The following BABAM2 variants were observed in gnomAD, a reference collection of about 807,000 sequenced individuals.
The protein encoded by BABAM2 is BRISC and BRCA1 A complex member 2, also known as BRISC and BRCA1-A complex member 2.
A neutral mutation model predicts 54.7 loss-of-function variants in BABAM2; 31 were observed. That is an observed-to-expected ratio of 0.57 (90% confidence interval 0.43 to 0.77). BABAM2 has a LOEUF of 0.77. Among genes scored for constraint, BABAM2 ranks in the 30% least tolerant of loss-of-function variants. The pLI, the probability that BABAM2 is intolerant of heterozygous loss-of-function variation, is 0.00. For synonymous variants in BABAM2, 167 were observed against 162.9 expected (o/e 1.03, Z -0.19); for missense variants, 364 against 455.8 (o/e 0.80, Z 1.83).
intron 10 of BABAM2, among the ~76,000 whole-genome samples, chr2:28,257,023 A>G (rs778329498): frequency 6.6e-5 from 10 of 152,106 alleles, no homozygotes; most frequent in Non-Finnish European, 1.2e-4. Context: ...ACAGCAATAC[A>G]TGTCCAGTAT....
intron 10 of BABAM2, among the ~76,000 whole-genome samples, chr2:28,264,524 A>G (rs1684810857): frequency 1.3e-5 from 2 of 152,246 alleles, no homozygotes; most frequent in Non-Finnish European, 2.9e-5. Flanking sequence ...TGTGGTCGCA[A>G]CAAAAGCATC....
chr2:28,094,224 CT>C (rs1388296498), intron 6 of BABAM2, among the ~76,000 whole-genome samples: 3 of 152,162 alleles, frequency 2.0e-5, no homozygotes, highest in Non-Finnish European at 4.4e-5. Context: ...TTATTAACAT[CT>C]GTAATGAGGA....
intron 11 of BABAM2, among the ~76,000 whole-genome samples, chr2:28,315,432 T>A (rs1307547826): frequency 4.1e-5 from 1 of 24,260 alleles, no homozygotes; most frequent in Non-Finnish European, 9.1e-5. Flanking sequence ...TTTTCTTTTC[T>A]TTTCTTTTCT....
chr2:27,890,161 C>T (rs1242215396), upstream of BABAM2: 17 of 1,152,322 alleles, frequency 1.5e-5, no homozygotes, highest in South Asian at 5.2e-5. The surrounding 1 kb of genome is among the most constrained non-coding windows in gnomAD (Gnocchi z 4.8). Context: ...ACTGTCTATC[C>T]CTGGAGACCC....
chr2:28,073,646 C>A (rs1573524655), intron 6 of BABAM2, among the ~76,000 whole-genome samples: 1 of 151,918 alleles, frequency 6.6e-6, no homozygotes, highest in Admixed American at 6.6e-5. Context: ...ATATAATATC[C>A]ATCAGTTGAG....
chr2:28,159,617 C>T (rs1672865589), intron 7 of BABAM2, among the ~76,000 whole-genome samples: 1 of 152,152 alleles, frequency 6.6e-6, no homozygotes, highest in Non-Finnish European at 1.5e-5. Flanking sequence ...CAGTGGCTCA[C>T]ACCTGCAATG....
chr2:28,193,958 T>C (rs1677218376), intron 7 of BABAM2, among the ~76,000 whole-genome samples: 1 of 152,098 alleles, frequency 6.6e-6, no homozygotes, highest in South Asian at 2.1e-4. Flanking sequence ...TGACAGGTGC[T>C]ATGAGAGGAA....
At chr2:28,074,045 A>G (rs909062761) in intron 6 of BABAM2, among the ~76,000 whole-genome samples, 3 of 152,010 alleles carry the variant, frequency 2.0e-5, no homozygotes, top group East Asian at 1.9e-4. Context: ...ATACACACAC[A>G]TATATATACA....
At chr2:28,278,465 A>C (rs1478200301) in intron 10 of BABAM2, among the ~76,000 whole-genome samples, 1 of 152,202 alleles carries the variant, frequency 6.6e-6, no homozygotes, top group Admixed American at 6.5e-5. Flanking sequence ...GAGAGGGAGG[A>C]ATTGCAGATT....
At chr2:28,232,044 A>G (rs1681459712) in intron 7 of BABAM2, among the ~76,000 whole-genome samples, 1 of 151,906 alleles carries the variant, frequency 6.6e-6, no homozygotes, top group African/African-American at 2.4e-5. Flanking sequence ...GGCCCGGAGC[A>G]GTCATCCTGC....
intron 10 of BABAM2, among the ~76,000 whole-genome samples, chr2:28,285,931 C>A (rs1035454359): frequency 6.6e-6 from 1 of 151,708 alleles, no homozygotes; most frequent in Non-Finnish European, 1.5e-5. Flanking sequence ...TAAATAGTCA[C>A]CCCCTTCTAC....
intron 6 of BABAM2, among the ~76,000 whole-genome samples, chr2:28,123,547 A>G (rs763989926): frequency 6.6e-5 from 10 of 152,342 alleles, no homozygotes; most frequent in Non-Finnish European, 1.3e-4. Context: ...GGTTACAGTA[A>G]TCATCTGTAA....
chr2:27,980,229 T>G (rs1671901743), intron 3 of BABAM2, among the ~76,000 whole-genome samples: 2 of 152,204 alleles, frequency 1.3e-5, no homozygotes, highest in Non-Finnish European at 2.9e-5. Context: ...TTTGTTCTCC[T>G]GCATACTCTT....
intron 10 of BABAM2, among the ~76,000 whole-genome samples, chr2:28,259,523 G>A (rs183227969): frequency 4.0e-4 from 61 of 152,212 alleles, no homozygotes; most frequent in Non-Finnish European, 1.5e-4. Flanking sequence ...TGTCAGTTCC[G>A]TGTTCTGCAA....
At chr2:28,092,445 A>C (rs936663481) in intron 6 of BABAM2, among the ~76,000 whole-genome samples, 2 of 152,242 alleles carry the variant, frequency 1.3e-5, no homozygotes, top group African/African-American at 4.8e-5. Flanking sequence ...AAGTATCTAT[A>C]TATCAACAGA....
chr2:27,991,787 A>C (rs771612381), intron 4 of BABAM2, among the ~76,000 whole-genome samples: 17 of 152,168 alleles, frequency 1.1e-4, no homozygotes, highest in Admixed American at 2.6e-4. Context: ...TCCATTCATC[A>C]GTTGATAGAC....
At chr2:28,105,138 T>A (rs1320413584) in intron 6 of BABAM2, among the ~76,000 whole-genome samples, 1 of 152,014 alleles carries the variant, frequency 6.6e-6, no homozygotes, top group African/African-American at 2.4e-5. Context: ...TGTATACATA[T>A]GTAACAAACC....
At chr2:28,302,846 G>T (rs1453766209) in intron 11 of BABAM2, among the ~76,000 whole-genome samples, 2 of 152,052 alleles carry the variant, frequency 1.3e-5, no homozygotes, top group Non-Finnish European at 2.9e-5. Context: ...GAGCATCTTG[G>T]CATGTGCTTA....
chr2:27,951,619 A>G (rs141193427), intron 3 of BABAM2, among the ~76,000 whole-genome samples: 22 of 152,318 alleles, frequency 1.4e-4, no homozygotes, highest in African/African-American at 4.8e-4. Context: ...CATAATAGCA[A>G]TTAGGTCAAG....
Sources: gnomAD v4.1 joint callset for allele counts (sites outside exome capture counted in the v4.1 genomes callset) on GRCh38, gnomAD v4.1.1 for gene constraint, Gnocchi (gnomAD v3.1) non-coding constraint, MANE v1.5 for transcripts, NCBI Gene and HGNC (gene_info 2026-07-23, HGNC 2026-07-21) for gene names.